Variants in HS6ST2 observed in about 807,000 individuals in gnomAD.
The protein encoded by HS6ST2 is heparan-sulfate 6-O-sulfotransferase 2.
HS6ST2 carries 17 observed loss-of-function variants against 33.0 expected under a neutral mutation model. The observed-to-expected ratio is 0.52, with a 90% CI of 0.35 to 0.77. HS6ST2 has a LOEUF of 0.77. HS6ST2 is among the 30% of genes least tolerant of loss of function. The pLI is 0.01. For synonymous variants in HS6ST2, 248 were observed against 237.1 expected (o/e 1.05, Z -0.42); for missense variants, 519 against 551.7 (o/e 0.94, Z 0.59).
At chrX:132,731,208 T>C (rs2064453648) in intron 2 of HS6ST2, among the ~76,000 whole-genome samples, 1 of 112,147 alleles carries the variant, frequency 8.9e-6, no homozygotes, top group Admixed American at 9.4e-5. Flanking sequence ...AACTAGTGTA[T>C]GCATGCATGT....
intron 2 of HS6ST2, among the ~76,000 whole-genome samples, chrX:132,843,392 G>A (rs1228454121): frequency 4.5e-5 from 5 of 111,755 alleles, no homozygotes; most frequent in African/African-American, 1.6e-4. Flanking sequence ...AAAGCAACAA[G>A]AATAATAAAG....
intron 2 of HS6ST2, among the ~76,000 whole-genome samples, chrX:132,725,813 A>G (rs998199067): frequency 3.6e-5 from 4 of 112,026 alleles, no homozygotes; most frequent in Non-Finnish European, 7.5e-5. Flanking sequence ...CTTATATACA[A>G]TGGAGTACTA....
intron 2 of HS6ST2, among the ~76,000 whole-genome samples, chrX:132,925,280 T>A (rs1243598569): frequency 8.9e-6 from 1 of 111,799 alleles, no homozygotes; most frequent in East Asian, 2.8e-4. Flanking sequence ...TGGCTGTTCA[T>A]CTGTATCCTT....
chrX:132,748,137 G>A (rs759004084), intron 2 of HS6ST2, among the ~76,000 whole-genome samples: 34 of 111,370 alleles, frequency 3.1e-4, no homozygotes, highest in African/African-American at 1.1e-3. Context: ...TACCATTAGA[G>A]GGGAACTACC....
At chrX:132,911,858 C>T (rs970355397) in intron 2 of HS6ST2, among the ~76,000 whole-genome samples, 16 of 111,010 alleles carry the variant, frequency 1.4e-4, no homozygotes, top group Non-Finnish European at 2.6e-4. Flanking sequence ...AGGATGGTTG[C>T]GATCTCCTGA....
At chrX:132,788,747 C>CA (rs2065089517) in intron 2 of HS6ST2, among the ~76,000 whole-genome samples, 1 of 112,769 alleles carries the variant, frequency 8.9e-6, no homozygotes, top group Non-Finnish European at 1.9e-5. Flanking sequence ...GGTGAACCCA[C>CA]AAATGATAAG....
At chrX:132,874,911 G>T (rs868787796) in intron 2 of HS6ST2, among the ~76,000 whole-genome samples, 6 of 111,670 alleles carry the variant, frequency 5.4e-5, no homozygotes, top group Middle Eastern at 4.6e-3. Flanking sequence ...CCTCTGGAAG[G>T]GGGGGGCGGC....
chrX:132,739,978 A>C (rs1372763168), intron 2 of HS6ST2, among the ~76,000 whole-genome samples: 1 of 111,392 alleles, frequency 9.0e-6, no homozygotes, highest in Non-Finnish European at 1.9e-5. Context: ...GTAGACATAA[A>C]CAGTAGTGTC....
intron 2 of HS6ST2, among the ~76,000 whole-genome samples, chrX:132,807,808 C>T (rs1250815215): frequency 3.6e-5 from 4 of 111,948 alleles, no homozygotes; most frequent in East Asian, 2.8e-4. Context: ...CAGAGCAAAA[C>T]GGCGCTAGCA....
rs771852814 is a variant in HS6ST2, at chrX:132,958,389, G to A, written c.214C>T (p.Arg72Ter). ...FHTRPLLDKP[R>*]KASSSLAGAA... is the part of the protein sequence containing the mutation. ...CCCGCCAGGGAAGAAGACGCCTTTC[G>A]GGGCTTGTCCAGGAGCGGCCGGGTG... The change falls in exon 1 of 5, where the codon CGA (arginine) becomes TGA (stop). Residue 72 changes from arginine (R) to a stop codon, truncating the protein, a stop_gained. Transcript: ENST00000370833. LOFTEE classifies it high-confidence loss of function. The A allele has an allele frequency of 4.2e-6, 5 of 1,199,070 alleles. No homozygotes were observed. Among genetic ancestry groups the A allele is most frequent in the South Asian group, 1.8e-5 (1 of 56,335 alleles).
At chrX:132,860,777 CTTTTTTTTTTTTTTT>C (rs58059164) in intron 2 of HS6ST2, among the ~76,000 whole-genome samples, 1 of 52,896 alleles carries the variant, frequency 1.9e-5, no homozygotes, top group East Asian at 5.3e-4. Context: ...GCATGTGTAT[CTTTTTTTTTTTTTTT>C]TTTTTTTTTT....
At chrX:132,784,728 C>T (rs748126959) in intron 2 of HS6ST2, among the ~76,000 whole-genome samples, 4 of 112,141 alleles carry the variant, frequency 3.6e-5, no homozygotes, top group South Asian at 7.5e-4. Context: ...GCCCCCTCTT[C>T]TGCTTTCTCA....
chrX:132,757,660 C>T (rs2064769424), intron 2 of HS6ST2, among the ~76,000 whole-genome samples: 1 of 110,969 alleles, frequency 9.0e-6, no homozygotes, highest in African/African-American at 3.3e-5. Context: ...TTCCCTTGCA[C>T]CCCCATAAGC....
intron 3 of HS6ST2, among the ~76,000 whole-genome samples, 151 bp from the exon 4 acceptor site, chrX:132,669,350 T>C (rs2063841241): frequency 1.1e-5 from 1 of 87,642 alleles, no homozygotes; most frequent in African/African-American, 4.3e-5. Context: ...CTCTCTCCTG[T>C]CAAAGTATGA....
At chrX:132,950,987 T>C (rs2067009243) in intron 2 of HS6ST2, among the ~76,000 whole-genome samples, 1 of 110,972 alleles carries the variant, frequency 9.0e-6, no homozygotes. Context: ...TAATGTACGA[T>C]GGAGCCCTAA....
At chrX:132,782,808 T>C (rs1440937240) in intron 2 of HS6ST2, among the ~76,000 whole-genome samples, 1 of 111,356 alleles carries the variant, frequency 9.0e-6, no homozygotes, top group East Asian at 2.8e-4. Context: ...CTAAATACTA[T>C]GAAGGCAGGT....
At chrX:132,837,332 C>CGT (rs10592129) in intron 2 of HS6ST2, among the ~76,000 whole-genome samples, 4,441 of 103,285 alleles carry the variant, frequency 0.043, 70 homozygotes, top group Non-Finnish European at 0.06. Flanking sequence ...ACAGTATAGC[C>CGT]GTGTGTGTGT....
At chrX:132,835,872 C>G (rs1242184432) in intron 2 of HS6ST2, among the ~76,000 whole-genome samples, 1 of 111,527 alleles carries the variant, frequency 9.0e-6, no homozygotes, top group Non-Finnish European at 1.9e-5. Flanking sequence ...GCTGAGATTG[C>G]GACACTGCAC....
chrX:132,910,880 T>C (rs2066525328), intron 2 of HS6ST2, among the ~76,000 whole-genome samples: 1 of 111,827 alleles, frequency 8.9e-6, no homozygotes, highest in Non-Finnish European at 1.9e-5. Flanking sequence ...CTGGGTGTGG[T>C]AGCTCACGCT....
Sources: allele counts gnomAD v4.1 joint callset (sites outside exome capture counted in the v4.1 genomes callset), GRCh38; gene constraint gnomAD v4.1.1; transcripts MANE v1.5; gene names NCBI Gene and HGNC (gene_info 2026-07-23, HGNC 2026-07-21).